Variants in TBC1D22A observed in about 807,000 individuals in gnomAD.
TBC1D22A encodes the protein TBC1 domain family member 22A, also known as putative GTPase activator.
TBC1D22A carries 38 observed loss-of-function variants against 60.2 expected under a neutral mutation model. The ratio of observed to expected loss-of-function variants is 0.63; its 90% confidence interval spans 0.49 to 0.83. The LOEUF (loss-of-function observed/expected upper bound fraction) is 0.83, where lower values mean the gene tolerates loss of function less well. Ranked by LOEUF, TBC1D22A falls within the 40% of genes least tolerant of loss-of-function variation. The probability of loss-of-function intolerance (pLI) is 0.00; values close to 1 mark genes in which losing one functional copy is unlikely to be tolerated. For missense variants in TBC1D22A, 628 were observed against 701.0 expected, an observed-to-expected ratio of 0.90 and a Z score of 1.18; for synonymous variants, 302 against 281.7, an observed-to-expected ratio of 1.07 and a Z score of -0.72.
intron 11 of TBC1D22A, among the ~76,000 whole-genome samples, chr22:47,087,554 A>G (rs2064747761): frequency 6.6e-6 from 1 of 152,232 alleles, no homozygotes; most frequent in Non-Finnish European, 1.5e-5. Context: ...AAAGAATTGC[A>G]AAAGTTCTCA....
intron 4 of TBC1D22A, among the ~76,000 whole-genome samples, chr22:46,861,150 G>T (rs1215306845): frequency 1.3e-5 from 2 of 152,074 alleles, no homozygotes; most frequent in African/African-American, 4.8e-5. Flanking sequence ...TAGAGATGGA[G>T]TTTCGCCCTC....
At chr22:46,774,201 G>C (rs1203248869) in intron 1 of TBC1D22A, 2 of 985,562 alleles carry the variant, frequency 2.0e-6, no homozygotes, top group Non-Finnish European at 1.2e-6. Context: ...AACCAGGCTT[G>C]CTGTGCTCGG....
intron 4 of TBC1D22A, among the ~76,000 whole-genome samples, chr22:46,872,353 A>C (rs887120759): frequency 6.6e-6 from 1 of 152,230 alleles, no homozygotes; most frequent in Admixed American, 6.5e-5. Flanking sequence ...TTACAAAGAC[A>C]TTATAAGAAA....
intron 8 of TBC1D22A, among the ~76,000 whole-genome samples, chr22:46,921,958 CT>C (rs776375816): frequency 6.6e-6 from 1 of 152,152 alleles, no homozygotes; most frequent in Non-Finnish European, 1.5e-5. Flanking sequence ...GTCATGAAAT[CT>C]TTGCCAGGGT....
chr22:47,140,449 C>T (rs912580219), intron 12 of TBC1D22A, among the ~76,000 whole-genome samples: 10 of 151,430 alleles, frequency 6.6e-5, no homozygotes, highest in Admixed American at 5.9e-4. Context: ...GTCCCAGCTA[C>T]TGGGGAGGCT....
intron 8 of TBC1D22A, among the ~76,000 whole-genome samples, chr22:46,931,774 G>A (rs946721006): frequency 6.6e-6 from 1 of 152,188 alleles, no homozygotes; most frequent in East Asian, 1.9e-4. Flanking sequence ...CCATACTGAG[G>A]AGCATGGTCA....
chr22:46,913,831 T>G, intron 8 of TBC1D22A: 1 of 901,842 alleles, frequency 1.1e-6, no homozygotes, highest in Non-Finnish European at 1.3e-6. Context: ...AAGCGATTCT[T>G]AATGCATTTG....
intron 8 of TBC1D22A, among the ~76,000 whole-genome samples, chr22:46,934,172 G>A (rs1452891852): frequency 6.6e-6 from 1 of 152,194 alleles, no homozygotes; most frequent in Non-Finnish European, 1.5e-5. Context: ...TAGTTTTCAT[G>A]ATCAAAATTA....
At chr22:46,886,377 A>G (rs967839941) in intron 5 of TBC1D22A, among the ~76,000 whole-genome samples, 3 of 152,168 alleles carry the variant, frequency 2.0e-5, no homozygotes, top group Admixed American at 6.5e-5. Flanking sequence ...CCTCTCCAGA[A>G]TACTGTAATT....
chr22:46,823,461 G>A (rs559839609), intron 4 of TBC1D22A, among the ~76,000 whole-genome samples: 2 of 152,302 alleles, frequency 1.3e-5, no homozygotes, highest in South Asian at 2.1e-4. Context: ...CCTGGGAAGG[G>A]CAGGCCCATT....
At chr22:46,865,072 C>A (rs989438623) in intron 4 of TBC1D22A, among the ~76,000 whole-genome samples, 9 of 152,232 alleles carry the variant, frequency 5.9e-5, no homozygotes, top group African/African-American at 2.2e-4. Context: ...CCTCTGAAAT[C>A]TTTGCCTAAC....
In TBC1D22A at chr22:46,768,484, C is replaced by CAA. The variant is rs3083471; in HGVS notation, c.62+5660_62+5661dup. ...TGGGCAACAGAGCGAGACTCTGTCT[C>CAA]AAAAAAAAAAAAAAAAAAAAAAAAA... On this transcript the variant is annotated intron_variant, in intron 1 of 12. Transcript: ENST00000337137. 1.0e-3 allele frequency among the ~76,000 whole-genome samples: 81 copies of CAA among 80,302 alleles called. 1 individual carries two copies. Among genetic ancestry groups the CAA allele is most frequent in the African/African-American group, 2.2e-3 (43 of 19,608 alleles). 52.7% of individuals were successfully genotyped at this position (80,302 alleles called of 152,430 possible). A position where few individuals can be genotyped will look rare whatever the true frequency, so the allele number is the denominator to read the frequency against.
At position 47,028,477 on chromosome 22, in the gene TBC1D22A, G is replaced by C. The variant is rs574803062; in HGVS notation, c.1202-8594G>C. Reference sequence around the variant, plus strand: ...CCCTGTCCCCCACGGCCCAGGTTCTGAGAGCGAGTGGTCGCATTCCTGTCC... The same window carrying C: ...CCCTGTCCCCCACGGCCCAGGTTCTCAGAGCGAGTGGTCGCATTCCTGTCC... On this transcript the variant is annotated intron_variant, in intron 10 of 12. Coordinates refer to ENST00000337137, the MANE Select transcript of TBC1D22A (RefSeq NM_014346.5). The surrounding 1 kb of genome is among the most constrained non-coding windows in gnomAD (Gnocchi z 4.4). Among the ~76,000 whole-genome samples, 1 of 130,244 alleles carries C rather than the reference G, an allele frequency of 7.7e-6. No homozygotes were observed. Among genetic ancestry groups the C allele is most frequent in the Admixed American group, 7.6e-5 (1 of 13,176 alleles). The allele number at this position is 130,244 out of a possible 152,430, so 85.4% of individuals were successfully genotyped here.
chr22:46,862,317 A>C (rs1602205219), intron 4 of TBC1D22A, among the ~76,000 whole-genome samples: 1 of 148,498 alleles, frequency 6.7e-6, no homozygotes, highest in East Asian at 2.0e-4. Context: ...GGGTATGTGA[A>C]GTCAACAGTG....
At chr22:47,047,517 C>T (rs775712356) in intron 11 of TBC1D22A, among the ~76,000 whole-genome samples, 1 of 152,134 alleles carries the variant, frequency 6.6e-6, no homozygotes, top group South Asian at 2.1e-4. Flanking sequence ...GAGACAGCCC[C>T]GAGCGGAGCA....
chr22:46,937,355 G>T (rs923049207), intron 8 of TBC1D22A, among the ~76,000 whole-genome samples: 8 of 152,308 alleles, frequency 5.3e-5, no homozygotes, highest in African/African-American at 1.9e-4. Context: ...CCACAGAACT[G>T]TGTGCGAGCT....
chr22:47,136,935 C>T (rs894056522), intron 12 of TBC1D22A, among the ~76,000 whole-genome samples: 1 of 152,202 alleles, frequency 6.6e-6, no homozygotes. Context: ...TCCTCCCAGT[C>T]GCCCCGGGGC....
At chr22:46,931,631 G>A (rs887456693) in intron 8 of TBC1D22A, among the ~76,000 whole-genome samples, 3 of 152,176 alleles carry the variant, frequency 2.0e-5, no homozygotes, top group African/African-American at 4.8e-5. Flanking sequence ...GTTGGGAGGC[G>A]GCACCTTTGG....
chr22:46,864,008 T>C (rs951063032), intron 4 of TBC1D22A, among the ~76,000 whole-genome samples: 1 of 152,226 alleles, frequency 6.6e-6, no homozygotes, highest in Non-Finnish European at 1.5e-5. Flanking sequence ...CTCAGGTAGC[T>C]GTTTGCCTCC....
Sources: allele counts gnomAD v4.1 joint callset (sites outside exome capture counted in the v4.1 genomes callset), GRCh38; gene constraint gnomAD v4.1.1; non-coding constraint Gnocchi (gnomAD v3.1); transcripts MANE v1.5; gene names NCBI Gene and HGNC (gene_info 2026-07-23, HGNC 2026-07-21).